MGAM: variants seen among roughly 807,000 people sequenced by gnomAD.
MGAM encodes the protein alpha-1,4-glucosidase.
Under a neutral mutation model 358.8 loss-of-function variants are expected in MGAM, and 253 were observed. That is an observed-to-expected ratio of 0.71 (90% CI 0.64 to 0.78). The LOEUF (loss-of-function observed/expected upper bound fraction) is 0.78. Ranked by LOEUF, MGAM falls within the 30% of genes least tolerant of loss-of-function variation. The pLI is 0.00. For synonymous variants in MGAM, 1,105 were observed against 1,227.1 expected, an observed-to-expected ratio of 0.90 and a Z score of 2.08; for missense variants, 3,080 against 3,432.6, an observed-to-expected ratio of 0.90 and a Z score of 2.57.
At chr7:142,044,531 CGATATAT>C (rs1809739532) in intron 21 of MGAM, among the ~76,000 whole-genome samples, 1 of 129,168 alleles carries the variant, frequency 7.7e-6, no homozygotes, top group South Asian at 2.4e-4. Context: ...TATACACTTA[CGATATAT>C]GATATATAAT....
At chr7:142,091,776 T>C in intron 57 of MGAM, 137 bp from the exon 58 acceptor site, 1 of 933,020 alleles carries the variant, frequency 1.1e-6, no homozygotes, top group South Asian at 2.0e-5. Flanking sequence ...AATAAGTTAA[T>C]AACATTATTT....
chr7:142,103,389 G>T lies in MGAM; in HGVS notation c.8134G>T (p.Val2712Leu). ...CCCCGTTACCAGTGTCAGCATCTCT[G>T]TGAGTGGCATGGTCATAACACCCTC... ...SVPVTSVSIS[V>L]SGMVITPSFN... The change falls in exon 70 of 71, where the codon GTG (valine) becomes TTG (leucine). Residue 2712 changes from valine to leucine, a missense_variant. Transcript: ENST00000475668. The T allele has an allele frequency of 6.2e-7, 1 of 1,612,722 alleles. No homozygotes were observed. The highest frequency in any genetic ancestry group is 8.5e-7 in the Non-Finnish European group (1 of 1,179,422).
chr7:142,020,199 C>T (rs1325543327), intron 4 of MGAM, among the ~76,000 whole-genome samples: 4 of 152,082 alleles, frequency 2.6e-5, no homozygotes, highest in African/African-American at 9.7e-5. Context: ...ATGCTCTTGG[C>T]CTGATGGACT....
intron 69 of MGAM, 105 bp downstream of exon 69, chr7:142,102,784 C>A: frequency 9.0e-7 from 1 of 1,106,174 alleles, no homozygotes; most frequent in Non-Finnish European, 1.3e-6. Flanking sequence ...CATTGCTCAT[C>A]TTGCTAATTC....
intron 42 of MGAM, among the ~76,000 whole-genome samples, chr7:142,068,291 CCGGCCCCAAAATCT>C (rs2092672255): frequency 7.0e-6 from 1 of 142,498 alleles, no homozygotes. Flanking sequence ...GCCATCGCGC[CCGGCCCCAAAATCT>C]CATTATACCC....
intron 49 of MGAM, 93 bp downstream of exon 49, chr7:142,079,101 A>G: frequency 9.0e-7 from 1 of 1,106,072 alleles, no homozygotes; most frequent in Non-Finnish European, 1.3e-6. Flanking sequence ...AAATAAGTTA[A>G]TCATGCTACA....
At chr7:142,005,108 T>C (rs942195536) in intron 1 of MGAM, among the ~76,000 whole-genome samples, 8 of 152,038 alleles carry the variant, frequency 5.3e-5, no homozygotes, top group Non-Finnish European at 1.2e-4. Flanking sequence ...TTACAAGAGA[T>C]AAATCTTACT....
In MGAM at chr7:142,085,167, C is replaced by T. The variant is rs1368705932; in HGVS notation, c.6507+523C>T. Among the ~76,000 whole-genome samples, 3 of 146,548 alleles carry T rather than the reference C, an allele frequency of 2.0e-5. 1 individual carries two copies. The highest frequency in any genetic ancestry group is 3.1e-5 in the Non-Finnish European group (2 of 64,680). ...AGAGGATGTACACATGGAAATAAAGCTTATCCTTCACTGGAGGATGGGAGG... is the reference window on the plus strand; with the variant it reads ...AGAGGATGTACACATGGAAATAAAGTTTATCCTTCACTGGAGGATGGGAGG... On this transcript the variant is annotated intron_variant, in intron 54 of 70. Transcript: ENST00000475668.
chr7:141,997,766 G>T (rs1804378359), intron 1 of MGAM, among the ~76,000 whole-genome samples: 1 of 152,130 alleles, frequency 6.6e-6, no homozygotes, highest in Admixed American at 6.5e-5. Context: ...CTCACCTTGG[G>T]TGTGACCAGA....
intron 30 of MGAM, 81 bp downstream of exon 30, chr7:142,057,023 T>G: frequency 7.9e-7 from 1 of 1,264,144 alleles, no homozygotes. Context: ...AGTATAACTC[T>G]CAGTTGACAA....
chr7:141,990,859 C>T (rs1451858303), intron 2 of MGAM, among the ~76,000 whole-genome samples: 3 of 152,262 alleles, frequency 2.0e-5, no homozygotes, highest in South Asian at 2.1e-4. Context: ...CCTTCCCTTC[C>T]CACTTCCACC....
chr7:142,028,251 C>A (rs1404181222), intron 10 of MGAM, among the ~76,000 whole-genome samples: 4 of 152,090 alleles, frequency 2.6e-5, no homozygotes, highest in African/African-American at 4.8e-5. Flanking sequence ...CATAAGATTT[C>A]ATGTCTAAAT....
At chr7:142,092,169 C>A in intron 58 of MGAM, 122 bp downstream of exon 58, 1 of 1,294,366 alleles carries the variant, frequency 7.7e-7, no homozygotes, top group Admixed American at 2.6e-5. Flanking sequence ...TTGGACATAT[C>A]AGACACTTCC....
At chr7:142,068,802 C>T in intron 43 of MGAM, 99 bp downstream of exon 43, 1 of 1,039,212 alleles carries the variant, frequency 9.6e-7, no homozygotes, top group East Asian at 2.6e-5. Context: ...CTCTGTAACC[C>T]ACCTGCTGTG....
intron 14 of MGAM, among the ~76,000 whole-genome samples, chr7:142,033,275 C>T (rs73542746): frequency 0.021 from 3,164 of 152,188 alleles, 121 homozygotes; most frequent in African/African-American, 0.07. Context: ...CCTTGGTCAT[C>T]AGGTAAGGGT....
chr7:142,005,690 T>C (rs1805102660), intron 2 of MGAM, 33 bp downstream of exon 2: 1 of 1,581,960 alleles, frequency 6.3e-7, no homozygotes, highest in South Asian at 1.2e-5. Context: ...TCTCCATATG[T>C]TGTTTTTATT....
At chr7:141,991,041 C>A (rs1803922912), upstream of MGAM, among the ~76,000 whole-genome samples, 1 of 152,196 alleles carries the variant, frequency 6.6e-6, no homozygotes, top group South Asian at 2.1e-4. Context: ...GACCAGACTG[C>A]CTGGCTTTGC....
intron 2 of MGAM, among the ~76,000 whole-genome samples, chr7:142,007,164 T>C (rs782185388): frequency 1.3e-5 from 2 of 152,176 alleles, no homozygotes; most frequent in Non-Finnish European, 2.9e-5. Context: ...AGCTAAGTCC[T>C]GTTCAGACAT....
chr7:142,017,973 C>T (rs139809584), intron 3 of MGAM, among the ~76,000 whole-genome samples: 39 of 152,248 alleles, frequency 2.6e-4, no homozygotes, highest in African/African-American at 6.0e-4. Context: ...CACTTTACCT[C>T]GGAGAAGCTT....
Sources: gnomAD v4.1 joint callset for allele counts (sites outside exome capture counted in the v4.1 genomes callset) on GRCh38, gnomAD v4.1.1 for gene constraint, MANE v1.5 for transcripts, NCBI Gene and HGNC (gene_info 2026-07-23, HGNC 2026-07-21) for gene names.